The following PCDHGA10 variants were observed in gnomAD, a reference collection of about 807,000 sequenced individuals.
PCDHGA10 encodes protocadherin gamma-A10.
PCDHGA10 carries 42 observed loss-of-function variants against 59.5 expected under a neutral mutation model. The ratio of observed to expected loss-of-function variants is 0.71; its 90% CI spans 0.55 to 0.91. The LOEUF (loss-of-function observed/expected upper bound fraction) is 0.91, where lower values mean the gene tolerates loss of function less well. Among genes scored for constraint, PCDHGA10 ranks in the 40% least tolerant of loss-of-function variants. The probability of loss-of-function intolerance (pLI) is 0.00; values close to 1 mark genes in which losing one functional copy is unlikely to be tolerated. For synonymous variants in PCDHGA10, 511 were observed against 517.2 expected (o/e 0.99, Z 0.16); for missense variants, 1,111 against 1,198.2 (o/e 0.93, Z 1.07).
Position 141,487,931 on chromosome 5 carries a change from G to A in PCDHGA10, c.2437-6876G>A. The stretch of plus-strand genomic sequence containing the variant: ...AGCACAGGAGGCTACAGTGCACAGG[G>A]TACAGTGCACCAGGCAGTCACTTGG... On this transcript the variant is annotated intron_variant, in intron 1 of 3. Transcript: ENST00000398610. The surrounding 1 kb of genome is among the most constrained non-coding windows in gnomAD (Gnocchi z 5.0). The A allele has an allele frequency of 1.6e-6, 1 of 612,954 alleles. No homozygotes were observed. The highest frequency in any genetic ancestry group is 2.8e-6 in the Non-Finnish European group (1 of 351,318). 38.0% of individuals were successfully genotyped at this position (612,954 alleles called of 1,614,324 possible). A position where few individuals can be genotyped will look rare whatever the true frequency, so the allele number is the denominator to read the frequency against.
At chr5:141,474,652 T>C (rs962582027) in intron 1 of PCDHGA10, among the ~76,000 whole-genome samples, 1 of 152,206 alleles carries the variant, frequency 6.6e-6, no homozygotes, top group African/African-American at 2.4e-5. Context: ...TCCTTACTTC[T>C]TTTCTACCTA....
At chr5:141,500,152 A>C (rs1301287171) in intron 2 of PCDHGA10, among the ~76,000 whole-genome samples, 1 of 151,610 alleles carries the variant, frequency 6.6e-6, no homozygotes, top group African/African-American at 2.4e-5. Flanking sequence ...TTCTTTGTGT[A>C]ATCAAAGAAC....
At chr5:141,419,757 G>A (rs1468216226) in intron 1 of PCDHGA10, 5 of 1,613,876 alleles carry the variant, frequency 3.1e-6, no homozygotes, top group African/African-American at 1.3e-5. Flanking sequence ...CGTGCTTTGG[G>A]TGACAAGGAC....
chr5:141,443,288 C>T (rs2098378643), intron 1 of PCDHGA10, among the ~76,000 whole-genome samples: 1 of 150,180 alleles, frequency 6.7e-6, no homozygotes, highest in Non-Finnish European at 1.5e-5. Context: ...TGAGACCAGC[C>T]TGGACAGCAT....
chr5:141,453,869 G>A (rs887544235), intron 1 of PCDHGA10, among the ~76,000 whole-genome samples: 9 of 152,144 alleles, frequency 5.9e-5, no homozygotes, highest in Non-Finnish European at 1.2e-4. Context: ...TAACAGATGA[G>A]CAAAATAATG....
intron 1 of PCDHGA10, among the ~76,000 whole-genome samples, chr5:141,451,717 A>G (rs2098722445): frequency 6.6e-6 from 1 of 152,166 alleles, no homozygotes; most frequent in Non-Finnish European, 1.5e-5. Context: ...CCCTGCCTCT[A>G]CTAAAAATAC....
chr5:141,460,582 G>A (rs1246329967), intron 1 of PCDHGA10, among the ~76,000 whole-genome samples: 2 of 152,022 alleles, frequency 1.3e-5, no homozygotes, highest in South Asian at 4.1e-4. Context: ...GTAGGTGTGG[G>A]TTTTTTCTGG....
At chr5:141,415,885 C>G in intron 1 of PCDHGA10, 2 of 979,016 alleles carry the variant, frequency 2.0e-6, no homozygotes, top group Non-Finnish European at 2.7e-6. Flanking sequence ...ACAATATTGA[C>G]AATTCCTAAG....
rs143737031 is a variant in PCDHGA10 at position 141,454,359 on chromosome 5, G to C, written c.2436+38748G>C. Among the ~76,000 whole-genome samples, 105 of 152,200 alleles carry C rather than the reference G, an allele frequency of 6.9e-4. No individual in the cohort carries two copies. In the East Asian group the frequency reaches 0.014, roughly 20 times the overall value. ...AATGTTGGAAGTTGATCCAAACTTA[G>C]AAAGGAGTATGGCAACTTGTCAAGA... On this transcript the variant is annotated intron_variant, in intron 1 of 3. Coordinates refer to ENST00000398610, the MANE Select transcript of PCDHGA10 (RefSeq NM_018913.3).
chr5:141,501,897 C>T (rs796164763), intron 2 of PCDHGA10, among the ~76,000 whole-genome samples: 17 of 152,230 alleles, frequency 1.1e-4, no homozygotes, highest in African/African-American at 3.4e-4. Flanking sequence ...ATCATGGTTC[C>T]AACCCCACTG....
In PCDHGA10 at chr5:141,415,757, T is replaced by G. The variant is rs765276447; in HGVS notation, c.2436+146T>G. The G allele has an allele frequency of 5.6e-3, 7,497 of 1,346,942 alleles. 12 individuals are homozygous for G. The highest frequency in any genetic ancestry group is 0.012 in the East Asian group (422 of 35,004). The allele number at this position is 1,346,942 out of a possible 1,614,324, so 83.4% of individuals were successfully genotyped here. A position where few individuals can be genotyped will look rare whatever the true frequency, so the allele number is the denominator to read the frequency against. ...TTATTAAGGTTTTTTTTTTTTTTTT[T>G]TTTTTTTTTTTTTTTACTTTCTGGT... On this transcript the variant is annotated intron_variant, in intron 1 of 3. Coordinates refer to ENST00000398610, the MANE Select transcript of PCDHGA10 (RefSeq NM_018913.3).
At chr5:141,478,720 G>T (rs2154576937) in intron 1 of PCDHGA10, 1 of 1,543,694 alleles carries the variant, frequency 6.5e-7, no homozygotes, top group Admixed American at 2.0e-5. Context: ...ATGGTGGCCT[G>T]CCAGAGTGTG....
chr5:141,456,427 T>A (rs1156577293), intron 1 of PCDHGA10, among the ~76,000 whole-genome samples: 1 of 152,166 alleles, frequency 6.6e-6, no homozygotes, highest in East Asian at 1.9e-4. Context: ...ATTCAAGTTA[T>A]AGTATTGAGT....
At chr5:141,421,322 T>A (rs774885270) in intron 1 of PCDHGA10, 1 of 1,613,864 alleles carries the variant, frequency 6.2e-7, no homozygotes, top group Non-Finnish European at 8.5e-7. Context: ...GCCAGGCAGA[T>A]CCGATATTCG....
intron 1 of PCDHGA10, chr5:141,424,160 C>A (rs187420643): frequency 6.3e-4 from 172 of 273,324 alleles, no homozygotes; most frequent in South Asian, 2.2e-3. Flanking sequence ...CTCTCCTTCT[C>A]ATCTATCTAT....
At chr5:141,435,446 G>C (rs889481920) in intron 1 of PCDHGA10, among the ~76,000 whole-genome samples, 5 of 152,060 alleles carry the variant, frequency 3.3e-5, no homozygotes, top group African/African-American at 2.4e-5. Context: ...TCATTAATAC[G>C]ATATCTGTAT....
Position 141,431,228 on chromosome 5 carries a change from GC to G in PCDHGA10, c.2436+15619del. The G allele has an allele frequency of 6.2e-7, 1 of 1,614,118 alleles. No homozygotes were observed. Among genetic ancestry groups the G allele is most frequent in the Non-Finnish European group, 8.5e-7 (1 of 1,180,030 alleles). On this transcript the variant is annotated intron_variant, in intron 1 of 3. Transcript: ENST00000398610. This position sits in a 1 kb window ranked among gnomAD's most constrained non-coding sequence, Gnocchi z 4.8. ...TGAGATGCGGTTCCCTCTACCCCAC[GC>G]CTGGGATCCGGATATCGGGAAGAAC...
intron 1 of PCDHGA10, among the ~76,000 whole-genome samples, chr5:141,456,843 A>G (rs2098891742): frequency 6.6e-6 from 1 of 152,030 alleles, no homozygotes. Context: ...GGCGCCTGTA[A>G]TCCCAGCTAA....
intron 3 of PCDHGA10, among the ~76,000 whole-genome samples, chr5:141,507,518 A>T (rs1323767789): frequency 6.6e-6 from 1 of 152,132 alleles, no homozygotes; most frequent in African/African-American, 2.4e-5. Flanking sequence ...TGGGGCTATG[A>T]TTCCAGAGAG....
Sources: allele counts gnomAD v4.1 joint callset (sites outside exome capture counted in the v4.1 genomes callset), GRCh38; gene constraint gnomAD v4.1.1; non-coding constraint Gnocchi (gnomAD v3.1); transcripts MANE v1.5; gene names NCBI Gene and HGNC (gene_info 2026-07-23, HGNC 2026-07-21).